Variants in MYO5B observed in about 807,000 individuals in gnomAD.
The protein encoded by MYO5B is myosin VB.
In MYO5B, 143 loss-of-function variants were observed where a neutral mutation model predicts 229.3. That is an observed-to-expected ratio of 0.62 (90% CI 0.54 to 0.72). MYO5B has a LOEUF of 0.72. MYO5B is among the 30% of genes least tolerant of loss of function. The pLI, the probability that MYO5B is intolerant of heterozygous loss-of-function variation, is 0.00. For missense variants in MYO5B, 2,321 were observed against 2,331.0 expected (o/e 1.00, Z 0.09); for synonymous variants, 918 against 885.2 (o/e 1.04, Z -0.66).
intron 1 of MYO5B, among the ~76,000 whole-genome samples, chr18:50,097,003 C>T (rs1316663168): frequency 2.0e-5 from 3 of 152,226 alleles, no homozygotes; most frequent in African/African-American, 7.2e-5. Flanking sequence ...CTGGCTCCAC[C>T]TATGAAGGGA....
At chr18:50,179,072 T>C (rs2033037237) in intron 1 of MYO5B, among the ~76,000 whole-genome samples, 2 of 152,112 alleles carry the variant, frequency 1.3e-5, no homozygotes, top group African/African-American at 2.4e-5. Context: ...AATAAATAAA[T>C]GGCAAATCTT....
intron 21 of MYO5B, among the ~76,000 whole-genome samples, chr18:49,898,115 C>T (rs535069848): frequency 2.0e-4 from 31 of 152,312 alleles, no homozygotes; most frequent in African/African-American, 7.5e-4. Flanking sequence ...AGGTGTGTAG[C>T]AGGCTACACC....
intron 10 of MYO5B, among the ~76,000 whole-genome samples, chr18:49,965,455 TCACACACACACA>T (rs57101973): frequency 6.8e-6 from 1 of 147,098 alleles, no homozygotes; most frequent in African/African-American, 2.5e-5. Flanking sequence ...ACACTTCTTT[TCACACACACACA>T]CACACACACA....
chr18:49,947,404 C>T (rs990659204), intron 14 of MYO5B, among the ~76,000 whole-genome samples: 15 of 151,246 alleles, frequency 9.9e-5, no homozygotes, highest in Non-Finnish European at 4.4e-5. Context: ...CGCACCCAGC[C>T]GTAGTCACCA....
chr18:50,006,864 A>G lies in MYO5B; in HGVS notation c.456-5453T>C, dbSNP rs990171705. 1.2e-4 allele frequency among the ~76,000 whole-genome samples: 19 copies of G among 152,180 alleles called. No individual in the cohort carries two copies. In the East Asian group the frequency reaches 2.5e-3, roughly 20 times the overall value. On this transcript the variant is annotated intron_variant, in intron 4 of 39. Transcript: ENST00000285039. ...GTTTTGAGAAATCCCACTAAGTGTT[A>G]TCTTGTTTGGGTTTCCTGAGGAGCA...
chr18:49,842,849 G>T (rs1443313577), intron 34 of MYO5B, among the ~76,000 whole-genome samples: 7 of 152,210 alleles, frequency 4.6e-5, no homozygotes, highest in African/African-American at 1.4e-4. Context: ...TGGAAAGGTG[G>T]AGAGGGCCCA....
chr18:50,187,853 CAAA>C (rs940299307), intron 1 of MYO5B, among the ~76,000 whole-genome samples: 85 of 152,182 alleles, frequency 5.6e-4, no homozygotes, highest in African/African-American at 2.0e-3. Context: ...TCATGAAAGA[CAAA>C]AAACTGAGCA....
chr18:49,904,947 C>T (rs991457496), intron 19 of MYO5B, 119 bp from the exon 20 acceptor site: 12 of 1,166,558 alleles, frequency 1.0e-5, no homozygotes, highest in Admixed American at 7.9e-5. Flanking sequence ...CTGGACACAC[C>T]CAGGGGAAAC....
chr18:49,895,060 C>T lies in MYO5B; in HGVS notation c.2926G>A (p.Asp976Asn). The change falls in exon 22 of 40, where the codon GAC becomes AAC. Residue 976 changes from aspartate (D) to asparagine (N), a missense_variant. Around this residue, in one of 2 missense-constraint regions of MYO5B, gnomAD observed 2,113 missense variants for 2,044.7 expected, o/e 1.03. Coordinates refer to ENST00000285039, the MANE Select transcript of MYO5B (RefSeq NM_001080467.3). ...LVHYQQSPGE[D>N]TSLRLQEEVE... ...TCCTCCTGCAGCCTGAGGCTGGTGT[C>T]CTCACCTGGGCTCTGCTGGTAGTGC... is the stretch of plus-strand genomic sequence containing the variant. 6.2e-7 allele frequency: 1 copy of T among 1,614,134 alleles called. No individual in the cohort carries two copies. Among genetic ancestry groups the T allele is most frequent in the South Asian group, 1.1e-5 (1 of 91,086 alleles).
At chr18:49,980,361 T>G (rs1271864093) in intron 9 of MYO5B, 83 bp downstream of exon 9, 12 of 1,007,484 alleles carry the variant, frequency 1.2e-5, no homozygotes, top group Non-Finnish European at 1.7e-5. Flanking sequence ...GAGTGTCCTC[T>G]AACTGGAAAG....
chr18:49,835,229 A>G lies in MYO5B; in HGVS notation c.5394+115T>C, dbSNP rs1284178346. On this transcript the variant is annotated intron_variant, in intron 39 of 39. Coordinates refer to ENST00000285039, the MANE Select transcript of MYO5B (RefSeq NM_001080467.3). ...AAAGTCTAGGAATGTAAGGTCTCCC[A>G]GCATATATGTAACCAGTATTTTAGT... 5.2e-6 allele frequency: 4 copies of G among 764,982 alleles called. No homozygotes were observed. The Admixed American group carries it at 7.9e-5, about 15-fold the overall frequency. The allele number at this position is 764,982 out of a possible 1,614,324, so 47.4% of individuals were successfully genotyped here.
chr18:49,917,215 T>C (rs2025026611), intron 17 of MYO5B, among the ~76,000 whole-genome samples: 1 of 152,214 alleles, frequency 6.6e-6, no homozygotes, highest in African/African-American at 2.4e-5. Context: ...CTGATCCACG[T>C]TTAACCCTTA....
At chr18:50,192,841 C>T (rs974454653) in intron 1 of MYO5B, among the ~76,000 whole-genome samples, 2 of 152,158 alleles carry the variant, frequency 1.3e-5, no homozygotes, top group African/African-American at 4.8e-5. Flanking sequence ...GCTGGTATAA[C>T]TTAAAAAAGT....
intron 1 of MYO5B, among the ~76,000 whole-genome samples, chr18:50,069,562 C>T (rs539501336): frequency 1.3e-5 from 2 of 152,278 alleles, no homozygotes; most frequent in South Asian, 2.1e-4. Context: ...TGCTTGTCCC[C>T]GTTGCCCTCA....
Position 49,904,698 on chromosome 18 carries a change from T to C in MYO5B, c.2545A>G (p.Met849Val), listed in dbSNP as rs925253139. 12 of 1,613,872 alleles carry C rather than the reference T, an allele frequency of 7.4e-6. No individual in the cohort carries two copies. In the African/African-American group the frequency reaches 1.1e-4, roughly 14 times the overall value. Residue 849 changes from methionine (M) to valine (V), a missense_variant, in exon 20 of 40, where the codon ATG becomes GTG. Physicochemically the swap from Met to Val is conservative, Grantham distance 21. This residue lies in a region of MYO5B where 2,113 missense variants were observed against 2,044.7 expected (regional missense o/e 1.03). Transcript: ENST00000285039. ...AVVIQAFTRA[M>V]FVRRTYRQVL... ...TGGCGGTAGGTTCTCCGCACAAACA[T>C]GGCCCGGGTGAAGGCCTGGATAACA... is the stretch of plus-strand genomic sequence containing the variant.
intron 6 of MYO5B, 101 bp downstream of exon 6, chr18:49,992,187 A>G: frequency 6.7e-7 from 1 of 1,491,514 alleles, no homozygotes; most frequent in Non-Finnish European, 9.3e-7. Context: ...TTCCAGGCTC[A>G]CAAGAGAGAT....
At chr18:50,046,345 G>T (rs542226851) in intron 2 of MYO5B, among the ~76,000 whole-genome samples, 169 of 152,306 alleles carry the variant, frequency 1.1e-3, no homozygotes, top group African/African-American at 3.8e-3. Context: ...AAGTTCTCCA[G>T]GGGTTTGTAA....
intron 7 of MYO5B, among the ~76,000 whole-genome samples, chr18:49,985,144 T>G (rs2025857447): frequency 6.6e-6 from 1 of 152,204 alleles, no homozygotes; most frequent in South Asian, 2.1e-4. Context: ...AGATTTGTTT[T>G]TGAAAAGATC....
rs771363209 is a variant in MYO5B at position 49,990,536 on chromosome 18, G to A, written c.757-16C>T. ...CATCATCTGCCTGGAGGAGGAAGAA[G>A]TGAAGCAGTTTTAGGGCAGTGACCT... On this transcript the variant is annotated splice_polypyrimidine_tract_variant and intron_variant, in intron 6 of 39. Transcript: ENST00000285039. The A allele has an allele frequency of 2.5e-6, 4 of 1,609,176 alleles. No individual in the cohort carries two copies. Among genetic ancestry groups the A allele is most frequent in the Non-Finnish European group, 2.6e-6 (3 of 1,175,720 alleles).
Sources: allele counts gnomAD v4.1 joint callset (sites outside exome capture counted in the v4.1 genomes callset), GRCh38; gene constraint gnomAD v4.1.1; regional missense constraint gnomAD v4.1.1; transcripts MANE v1.5; gene names NCBI Gene and HGNC (gene_info 2026-07-23, HGNC 2026-07-21).